Variants in ATRNL1 observed in about 807,000 individuals in gnomAD.
The protein encoded by ATRNL1 is attractin-like protein 1.
Under a neutral mutation model 182.7 loss-of-function variants are expected in ATRNL1, and 95 were observed. The observed-to-expected ratio is 0.52, with a 90% CI of 0.44 to 0.62. The LOEUF is 0.62. Ranked by LOEUF, ATRNL1 falls within the 20% of genes least tolerant of loss-of-function variation. The pLI, the probability that ATRNL1 is intolerant of heterozygous loss-of-function variation, is 0.00. For missense variants in ATRNL1, 1,471 were observed against 1,679.5 expected, an observed-to-expected ratio of 0.88 and a Z score of 2.17; for synonymous variants, 576 against 568.3, an observed-to-expected ratio of 1.01 and a Z score of -0.19.
At chr10:115,609,456 T>A (rs1478418671) in intron 26 of ATRNL1, among the ~76,000 whole-genome samples, 4 of 152,156 alleles carry the variant, frequency 2.6e-5, no homozygotes, top group Non-Finnish European at 4.4e-5. Context: ...TAATTTAGAG[T>A]TAAATTAGAG....
chr10:115,772,193 CCTCT>C (rs1555076569), intron 27 of ATRNL1, among the ~76,000 whole-genome samples: 2 of 152,164 alleles, frequency 1.3e-5, no homozygotes. Context: ...TGTGTAAAAT[CCTCT>C]CTCAAGAACA....
At chr10:115,115,369 T>G (rs1191139121) in intron 1 of ATRNL1, among the ~76,000 whole-genome samples, 2 of 152,156 alleles carry the variant, frequency 1.3e-5, no homozygotes, top group Non-Finnish European at 2.9e-5. Flanking sequence ...CATTGTGTAT[T>G]TCATATACTA....
intron 27 of ATRNL1, among the ~76,000 whole-genome samples, chr10:115,824,787 G>C (rs1372562549): frequency 1.3e-5 from 2 of 152,190 alleles, no homozygotes; most frequent in African/African-American, 2.4e-5. Context: ...GTGGAAAATA[G>C]GAGCGCTTGT....
rs1856861769 is a variant in ATRNL1, at chr10:115,363,555, G to T, written c.3175+29136G>T. ...CCATTTGTCAATTTTGTCTTTTGTT[G>T]CCATTGCTTTTGGTGTTTTGGACAT... is the stretch of plus-strand genomic sequence containing the variant. On this transcript the variant is annotated intron_variant, in intron 19 of 28. Transcript: ENST00000355044. Among the ~76,000 whole-genome samples the T allele has an allele frequency of 2.0e-5, 3 of 148,024 alleles. No homozygotes were observed. In the South Asian group the frequency reaches 6.6e-4, roughly 33 times the overall value.
At chr10:115,750,138 A>T (rs1189108505) in intron 27 of ATRNL1, among the ~76,000 whole-genome samples, 1 of 151,954 alleles carries the variant, frequency 6.6e-6, no homozygotes, top group Non-Finnish European at 1.5e-5. Flanking sequence ...TAGTACCCAA[A>T]CACTTCAAAT....
chr10:115,499,807 T>C (rs962792552), intron 24 of ATRNL1, among the ~76,000 whole-genome samples: 1 of 152,210 alleles, frequency 6.6e-6, no homozygotes, highest in African/African-American at 2.4e-5. Flanking sequence ...TGGTTGGCCC[T>C]AAGCAGTTCC....
At chr10:115,318,300 A>T (rs1344823974) in intron 18 of ATRNL1, among the ~76,000 whole-genome samples, 1 of 152,118 alleles carries the variant, frequency 6.6e-6, no homozygotes, top group Non-Finnish European at 1.5e-5. Flanking sequence ...CCAGTATTTT[A>T]TTGAGGATTT....
chr10:115,772,719 T>G (rs1211765051), intron 27 of ATRNL1, among the ~76,000 whole-genome samples: 1 of 151,754 alleles, frequency 6.6e-6, no homozygotes, highest in Non-Finnish European at 1.5e-5. Flanking sequence ...AGATATTTTT[T>G]GCAAGTGAAA....
intron 28 of ATRNL1, among the ~76,000 whole-genome samples, chr10:115,897,927 T>C (rs1288132436): frequency 1.3e-5 from 2 of 150,648 alleles, no homozygotes; most frequent in Non-Finnish European, 2.9e-5. Flanking sequence ...GTATAGGTCA[T>C]CCTTATTTTT....
chr10:115,273,248 C>T (rs1175999758), intron 13 of ATRNL1, among the ~76,000 whole-genome samples: 6 of 152,106 alleles, frequency 3.9e-5, no homozygotes, highest in South Asian at 2.1e-4. Context: ...TCCATGAGCC[C>T]GTTGGGTAAT....
chr10:115,773,420 G>A (rs936937005), intron 27 of ATRNL1, among the ~76,000 whole-genome samples: 1 of 151,962 alleles, frequency 6.6e-6, no homozygotes, highest in Non-Finnish European at 1.5e-5. Flanking sequence ...AGGAAAATAC[G>A]GTGTTTAAAA....
intron 27 of ATRNL1, among the ~76,000 whole-genome samples, chr10:115,832,774 C>G (rs532220151): frequency 5.5e-4 from 84 of 152,146 alleles, no homozygotes; most frequent in Non-Finnish European, 1.0e-3. Flanking sequence ...GCTGTCCTTG[C>G]TTGCTTGCTT....
chr10:115,627,683 A>G (rs1452465427), intron 26 of ATRNL1, among the ~76,000 whole-genome samples: 2 of 152,074 alleles, frequency 1.3e-5, no homozygotes, highest in African/African-American at 4.8e-5. Context: ...TTTTCATACC[A>G]CAATTTATTT....
chr10:115,585,374 G>T (rs1390101664), intron 26 of ATRNL1, among the ~76,000 whole-genome samples: 2 of 114,020 alleles, frequency 1.8e-5, no homozygotes, highest in South Asian at 2.9e-4. Flanking sequence ...TTATTAATGT[G>T]TGGGAGTCTA....
intron 16 of ATRNL1, 26 bp downstream of exon 16, chr10:115,300,273 C>G (rs1303888853): frequency 1.3e-6 from 2 of 1,571,914 alleles, no homozygotes; most frequent in Non-Finnish European, 1.7e-6. Context: ...AATTAGCATT[C>G]CTTTAAAAGT....
At chr10:115,771,546 ATCTGCC>A (rs1489485369) in intron 27 of ATRNL1, among the ~76,000 whole-genome samples, 1 of 152,222 alleles carries the variant, frequency 6.6e-6, no homozygotes, top group Non-Finnish European at 1.5e-5. Context: ...CTTACTTCTT[ATCTGCC>A]TCTTAATCTT....
chr10:115,130,778 A>G (rs999077434), intron 5 of ATRNL1, among the ~76,000 whole-genome samples: 1 of 152,102 alleles, frequency 6.6e-6, no homozygotes, highest in Non-Finnish European at 1.5e-5. Flanking sequence ...TGGTGTATCC[A>G]TATTATATTT....
At chr10:115,778,624 ATGAT>A (rs1156627600) in intron 27 of ATRNL1, among the ~76,000 whole-genome samples, 2 of 152,222 alleles carry the variant, frequency 1.3e-5, no homozygotes, top group Non-Finnish European at 2.9e-5. Context: ...GGAGAGAAGG[ATGAT>A]TGAAAGGGAA....
At chr10:115,185,857 C>T (rs535427474) in intron 8 of ATRNL1, among the ~76,000 whole-genome samples, 1 of 151,942 alleles carries the variant, frequency 6.6e-6, no homozygotes, top group East Asian at 1.9e-4. Context: ...ACACTGTGTG[C>T]CTTTGTATAT....
Sources: allele counts gnomAD v4.1 joint callset (sites outside exome capture counted in the v4.1 genomes callset), GRCh38; gene constraint gnomAD v4.1.1; transcripts MANE v1.5; gene names NCBI Gene and HGNC (gene_info 2026-07-23, HGNC 2026-07-21).